EIF2AK4: variants seen among roughly 807,000 people sequenced by gnomAD.
The protein encoded by EIF2AK4 is eIF-2-alpha kinase GCN2.
EIF2AK4 carries 139 observed loss-of-function variants against 211.1 expected under a neutral mutation model. The ratio of observed to expected loss-of-function variants is 0.66; its 90% CI spans 0.57 to 0.76. EIF2AK4 has a LOEUF of 0.76. Among genes scored for constraint, EIF2AK4 ranks in the 30% least tolerant of loss-of-function variants. The pLI is 0.00. For missense variants in EIF2AK4, 1,664 were observed against 2,043.8 expected, an observed-to-expected ratio of 0.81 and a Z score of 3.58; for synonymous variants, 710 against 751.3, an observed-to-expected ratio of 0.94 and a Z score of 0.90.
chr15:39,999,712 C>G lies in EIF2AK4; in HGVS notation c.2922+928C>G, dbSNP rs377578741. 5.9e-5 allele frequency among the ~76,000 whole-genome samples: 9 copies of G among 152,242 alleles called. No homozygotes were observed. The East Asian group carries it at 1.5e-3, about 26-fold the overall frequency. ...GCTGTAGGGACCTATTCTGCCTCATCTGTTTAATTAGTGAAGGCCATTAGA... is the reference window on the plus strand; with the variant it reads ...GCTGTAGGGACCTATTCTGCCTCATGTGTTTAATTAGTGAAGGCCATTAGA... On this transcript the variant is annotated intron_variant, in intron 20 of 38. Transcript: ENST00000263791.
At chr15:39,935,770 A>C (rs903956469) in intron 1 of EIF2AK4, among the ~76,000 whole-genome samples, 1 of 152,232 alleles carries the variant, frequency 6.6e-6, no homozygotes, top group Non-Finnish European at 1.5e-5. Context: ...TCCTTCATTA[A>C]ATATTTGTTT....
intron 2 of EIF2AK4, among the ~76,000 whole-genome samples, chr15:39,942,239 G>C (rs866558468): frequency 6.6e-6 from 1 of 152,088 alleles, no homozygotes; most frequent in Non-Finnish European, 1.5e-5. Context: ...AGAGACTCCC[G>C]GGTTAGATTC....
intron 3 of EIF2AK4, among the ~76,000 whole-genome samples, chr15:39,944,708 C>G (rs1190497067): frequency 6.6e-6 from 1 of 152,206 alleles, no homozygotes; most frequent in Non-Finnish European, 1.5e-5. Flanking sequence ...GCTGGGATTA[C>G]AGGCGTGAGC....
At chr15:40,025,418 T>C (rs1322027568) in intron 32 of EIF2AK4, among the ~76,000 whole-genome samples, 2 of 152,150 alleles carry the variant, frequency 1.3e-5, no homozygotes, top group Non-Finnish European at 2.9e-5. Context: ...AGGACAGTGA[T>C]AGCAGTATAA....
At chr15:39,952,590 A>G (rs544851892) in intron 4 of EIF2AK4, among the ~76,000 whole-genome samples, 4 of 151,962 alleles carry the variant, frequency 2.6e-5, no homozygotes, top group East Asian at 3.9e-4. Context: ...TTGTATATCT[A>G]TTTTTATTTT....
At chr15:40,022,663 T>C in intron 32 of EIF2AK4, 58 bp downstream of exon 32, 2 of 1,505,950 alleles carry the variant, frequency 1.3e-6, no homozygotes, top group Non-Finnish European at 1.8e-6. Flanking sequence ...GTGGAGCACC[T>C]GCCTTCACAC....
At chr15:39,972,048 A>G (rs907038346) in intron 9 of EIF2AK4, among the ~76,000 whole-genome samples, 1 of 152,184 alleles carries the variant, frequency 6.6e-6, no homozygotes, top group Non-Finnish European at 1.5e-5. Context: ...AATGGGTTCA[A>G]GGAATGAAGA....
chr15:40,035,128 T>C lies in EIF2AK4; in HGVS notation c.*44T>C, dbSNP rs766277806. 2.2e-6 allele frequency: 3 copies of C among 1,338,938 alleles called. No individual in the cohort carries two copies. The highest frequency in any genetic ancestry group is 3.1e-6 in the Non-Finnish European group (3 of 979,472). The allele number at this position is 1,338,938 out of a possible 1,614,324, so 82.9% of individuals were successfully genotyped here. A position where few individuals can be genotyped will look rare whatever the true frequency, so the allele number is the denominator to read the frequency against. ...AACCTCATTCAAACAGACAGAGGCT[T>C]ATACTGGAATAATGGAATGTTGTAC... On this transcript the variant is annotated 3_prime_UTR_variant, in exon 39 of 39. Coordinates refer to ENST00000263791, the MANE Select transcript of EIF2AK4 (RefSeq NM_001013703.4).
Position 39,976,705 on chromosome 15 carries a change from A to T in EIF2AK4, c.2110A>T (p.Ile704Phe). ...DSVEAAAPPP[I>F]LSSSVEWSTS... Reference sequence around the variant, plus strand: ...CGTAGAGGCCGCCGCGCCGCCACCCATCCTCAGCAGCTCGGTGGAGTGGAG... The same window carrying T: ...CGTAGAGGCCGCCGCGCCGCCACCCTTCCTCAGCAGCTCGGTGGAGTGGAG... The change falls in exon 12 of 39, where the codon ATC becomes TTC. Residue 704 changes from isoleucine to phenylalanine, a missense_variant. This residue lies in a region of EIF2AK4 where 206 missense variants were observed against 201.9 expected (regional missense o/e 1.02). Coordinates refer to ENST00000263791, the MANE Select transcript of EIF2AK4 (RefSeq NM_001013703.4). 1 of 1,601,992 alleles carries T rather than the reference A, an allele frequency of 6.2e-7. No individual in the cohort carries two copies. Among genetic ancestry groups the T allele is most frequent in the Non-Finnish European group, 8.5e-7 (1 of 1,177,456 alleles).
intron 32 of EIF2AK4, among the ~76,000 whole-genome samples, chr15:40,024,206 T>C (rs979882226): frequency 6.7e-6 from 1 of 149,848 alleles, no homozygotes; most frequent in African/African-American, 2.5e-5. Flanking sequence ...CATCCTTTTA[T>C]TTTTAACCTG....
intron 32 of EIF2AK4, among the ~76,000 whole-genome samples, chr15:40,024,240 G>A (rs1002949599): frequency 6.6e-6 from 1 of 151,340 alleles, no homozygotes; most frequent in South Asian, 2.1e-4. Flanking sequence ...AGAGATGGGG[G>A]TCTCATCATG....
At chr15:39,984,694 A>G (rs538614238) in intron 13 of EIF2AK4, among the ~76,000 whole-genome samples, 8 of 152,312 alleles carry the variant, frequency 5.3e-5, no homozygotes, top group Admixed American at 5.2e-4. Context: ...ATTTTTGCAC[A>G]TTGATTTTGT....
chr15:40,018,432 G>T (rs527971454), intron 29 of EIF2AK4, among the ~76,000 whole-genome samples: 28 of 148,520 alleles, frequency 1.9e-4, no homozygotes, highest in African/African-American at 7.0e-4. Context: ...ATTTTTTCAG[G>T]CATTCTTTGA....
At chr15:39,987,854 C>A (rs1304418089) in intron 14 of EIF2AK4, 129 bp from the exon 15 acceptor site, 1 of 1,035,664 alleles carries the variant, frequency 9.7e-7, no homozygotes, top group Non-Finnish European at 1.3e-6. Context: ...TGTAGAAAAC[C>A]AAGTCTTTCC....
At chr15:39,936,465 T>C (rs1242929105) in intron 1 of EIF2AK4, among the ~76,000 whole-genome samples, 1 of 152,130 alleles carries the variant, frequency 6.6e-6, no homozygotes, top group African/African-American at 2.4e-5. Context: ...CGGGCTGGAG[T>C]GCGGTGGAGC....
At chr15:40,030,538 A>C in intron 35 of EIF2AK4, 82 bp downstream of exon 35, 3 of 1,351,266 alleles carry the variant, frequency 2.2e-6, no homozygotes, top group African/African-American at 1.5e-5. Context: ...AAATAAGATA[A>C]ACATGGAATT....
At chr15:39,979,494 C>T (rs1052479105) in intron 13 of EIF2AK4, among the ~76,000 whole-genome samples, 2 of 152,168 alleles carry the variant, frequency 1.3e-5, no homozygotes, top group Non-Finnish European at 2.9e-5. Context: ...GATAGATCTT[C>T]TGCTGCTTAA....
At chr15:39,936,828 G>A (rs2034071187) in intron 1 of EIF2AK4, among the ~76,000 whole-genome samples, 1 of 152,010 alleles carries the variant, frequency 6.6e-6, no homozygotes, top group Non-Finnish European at 1.5e-5. Flanking sequence ...GGGCAGCATC[G>A]AAAATCAAAC....
At chr15:39,934,842 C>T (rs979692400) in intron 1 of EIF2AK4, among the ~76,000 whole-genome samples, 4 of 152,238 alleles carry the variant, frequency 2.6e-5, no homozygotes, top group African/African-American at 9.6e-5. Context: ...CAGGCATCCT[C>T]ACTGTGTTTT....
Sources: gnomAD v4.1 joint callset for allele counts (sites outside exome capture counted in the v4.1 genomes callset) on GRCh38, gnomAD v4.1.1 for gene constraint, gnomAD v4.1.1 regional missense constraint, MANE v1.5 for transcripts, NCBI Gene and HGNC (gene_info 2026-07-23, HGNC 2026-07-21) for gene names.